The following TXLNG variants were observed in gnomAD, a reference collection of about 807,000 sequenced individuals.
TXLNG encodes the protein taxilin gamma.
A neutral mutation model predicts 38.8 loss-of-function variants in TXLNG; 5 were observed. The ratio of observed to expected loss-of-function variants is 0.13; its 90% confidence interval spans 0.07 to 0.27. The LOEUF is 0.27. TXLNG is among the 10% of genes least tolerant of loss of function. TXLNG has a pLI of 1.00. For missense variants in TXLNG, 393 were observed against 398.2 expected, an observed-to-expected ratio of 0.99 and a Z score of 0.11; for synonymous variants, 182 against 158.2, an observed-to-expected ratio of 1.15 and a Z score of -1.13.
intron 1 of TXLNG, among the ~76,000 whole-genome samples, chrX:16,805,861 C>A (rs1928315840): frequency 1.8e-5 from 2 of 112,442 alleles, no homozygotes; most frequent in Admixed American, 1.9e-4. Context: ...TAATAGTGCA[C>A]AGTAATATTT....
At chrX:16,841,047 T>C (rs1336936504) in intron 9 of TXLNG, among the ~76,000 whole-genome samples, 1 of 107,234 alleles carries the variant, frequency 9.3e-6, no homozygotes, top group Non-Finnish European at 1.9e-5. Flanking sequence ...ATACAAAAAT[T>C]AGCTGGGCGT....
At chrX:16,796,532 T>C (rs949380975) in intron 1 of TXLNG, among the ~76,000 whole-genome samples, 2 of 112,071 alleles carry the variant, frequency 1.8e-5, no homozygotes, top group Admixed American at 1.9e-4. Flanking sequence ...TACAGAGGCT[T>C]CTGAATGAGC....
At chrX:16,787,551 T>C (rs1029808942) in intron 1 of TXLNG, among the ~76,000 whole-genome samples, 11 of 110,960 alleles carry the variant, frequency 9.9e-5, no homozygotes, top group African/African-American at 3.6e-4. Context: ...ACAGGAAAAT[T>C]GAGACCTCTT....
rs771448711 is a variant in TXLNG, at chrX:16,787,313, C to T, written c.102+724C>T. The stretch of plus-strand genomic sequence containing the variant: ...GCGATGCTGGAGGACCTCGGTCCTG[C>T]AGAGTTGGGATATCGCATGATAGCT... On this transcript the variant is annotated intron_variant, in intron 1 of 9. Transcript: ENST00000380122. 2.4e-3 allele frequency among the ~76,000 whole-genome samples: 271 copies of T among 112,089 alleles called. 1 individual carries two copies. Among genetic ancestry groups the T allele is most frequent in the African/African-American group, 8.0e-3 (249 of 30,966 alleles).
chrX:16,794,298 C>T (rs1290192619), intron 1 of TXLNG, among the ~76,000 whole-genome samples: 1 of 111,940 alleles, frequency 8.9e-6, no homozygotes, highest in Middle Eastern at 4.2e-3. Context: ...TTTTGCTAAA[C>T]GAAGACAAAT....
chrX:16,812,242 C>G (rs1928547956), intron 1 of TXLNG, among the ~76,000 whole-genome samples: 1 of 107,679 alleles, frequency 9.3e-6, no homozygotes, highest in Non-Finnish European at 1.9e-5. Context: ...CTCCTGACCT[C>G]AAGTGATCCG....
intron 1 of TXLNG, among the ~76,000 whole-genome samples, chrX:16,805,835 C>T (rs939796789): frequency 1.8e-5 from 2 of 112,118 alleles, no homozygotes; most frequent in Non-Finnish European, 3.8e-5. Context: ...GACATGTATA[C>T]CAAAATCTAA....
chrX:16,790,121 T>C (rs1927651571), intron 1 of TXLNG, among the ~76,000 whole-genome samples: 1 of 111,081 alleles, frequency 9.0e-6, no homozygotes, highest in Non-Finnish European at 1.9e-5. Flanking sequence ...ATTTACATCT[T>C]GCATTAGTGT....
intron 1 of TXLNG, among the ~76,000 whole-genome samples, chrX:16,813,914 G>A (rs1928633813): frequency 9.0e-6 from 1 of 110,623 alleles, no homozygotes; most frequent in African/African-American, 3.3e-5. Context: ...GTGAAACCCC[G>A]TCTCTACTAA....
At chrX:16,814,954 T>G (rs183072216) in intron 1 of TXLNG, among the ~76,000 whole-genome samples, 2 of 112,061 alleles carry the variant, frequency 1.8e-5, no homozygotes, top group Non-Finnish European at 3.8e-5. Context: ...AAACTACAAA[T>G]GAACCAATCT....
intron 9 of TXLNG, among the ~76,000 whole-genome samples, chrX:16,841,056 G>A (rs969920916): frequency 2.7e-5 from 3 of 110,082 alleles, no homozygotes; most frequent in East Asian, 2.9e-4. Context: ...TTAGCTGGGC[G>A]TGGTGGGGCG....
chrX:16,823,314 T>C lies in TXLNG; in HGVS notation c.498+3059T>C, dbSNP rs532540362. ...TCTCTACTAAAAATACAAAATTTGC[T>C]GGGCGTGGTGGCGCATACCTGTAAT... On this transcript the variant is annotated intron_variant, in intron 3 of 9. Coordinates refer to ENST00000380122, the MANE Select transcript of TXLNG (RefSeq NM_018360.3). Among the ~76,000 whole-genome samples the C allele has an allele frequency of 7.4e-5, 8 of 108,297 alleles. No homozygotes were observed. In the South Asian group the frequency reaches 2.9e-3, roughly 39 times the overall value. The allele number at this position is 108,297 out of a possible 115,157, so 94.0% of individuals were successfully genotyped here.
At chrX:16,805,563 A>G (rs1928306804) in intron 1 of TXLNG, among the ~76,000 whole-genome samples, 1 of 112,579 alleles carries the variant, frequency 8.9e-6, no homozygotes, top group Admixed American at 9.4e-5. Context: ...GTAAGACAGG[A>G]TACCCCTTTG....
chrX:16,806,639 C>T (rs1358178365), intron 1 of TXLNG, among the ~76,000 whole-genome samples: 14 of 110,773 alleles, frequency 1.3e-4, no homozygotes, highest in Admixed American at 1.1e-3. Flanking sequence ...AAAAATTGGC[C>T]GGGCGCGGTG....
rs1602403821 is a variant in TXLNG, at chrX:16,839,894, C to T, written c.1226C>T (p.Ala409Val). 1 of 1,201,733 alleles carries T rather than the reference C, an allele frequency of 8.3e-7. No homozygotes were observed. Among genetic ancestry groups the T allele is most frequent in the Non-Finnish European group, 1.1e-6 (1 of 889,659 alleles). ...ACCAAATGGGAAAACAATAATAAAG[C>T]ACTTCTGCAAATGGCTGAAGAGGTG... ...WRTKWENNNK[A>V]LLQMAEEKTV... Residue 409 changes from alanine to valine, a missense_variant, in exon 9 of 10, where the codon GCA becomes GTA. Ala to Val is a moderately conservative substitution (Grantham distance 64). Transcript: ENST00000380122.
At chrX:16,808,849 G>A (rs1303352805) in intron 1 of TXLNG, among the ~76,000 whole-genome samples, 2 of 111,671 alleles carry the variant, frequency 1.8e-5, no homozygotes, top group Non-Finnish European at 1.9e-5. Context: ...ATAACCTTAT[G>A]TATTATGTCA....
At position 16,788,935 on chromosome X, in the gene TXLNG, C is replaced by T. The variant is rs185193484; in HGVS notation, c.102+2346C>T. 5.0e-3 allele frequency among the ~76,000 whole-genome samples: 552 copies of T among 111,351 alleles called. 4 individuals carry two copies. Among genetic ancestry groups the T allele is most frequent in the Non-Finnish European group, 8.6e-3 (454 of 52,953 alleles). On this transcript the variant is annotated intron_variant, in intron 1 of 9. Transcript: ENST00000380122. ...CACCCACCTTGGCCTTCCAAAGTGG[C>T]GGGATTACAGGCATGAGCCACTGCA...
At chrX:16,817,331 T>C (rs1303002305) in intron 1 of TXLNG, among the ~76,000 whole-genome samples, 1 of 112,351 alleles carries the variant, frequency 8.9e-6, no homozygotes, top group Non-Finnish European at 1.9e-5. Flanking sequence ...TTTTTCAAAG[T>C]GTCCTTGCCA....
Position 16,841,535 on chromosome X carries a change from G to A in TXLNG, c.1356G>A (p.Val452=). The change falls in exon 10 of 10, where the codon GTG becomes GTA. Residue 452 remains valine, a synonymous_variant. Transcript: ENST00000380122. Reference sequence around the variant, plus strand: ...AAAGGAATGAGCTCAATGAGAAGGTGGAAGTCCTGAAAGAGCAGGTATCCA... The same window carrying A: ...AAAGGAATGAGCTCAATGAGAAGGTAGAAGTCCTGAAAGAGCAGGTATCCA... ...QTERNELNEK[V]EVLKEQVSIK... 2 of 1,211,969 alleles carry A rather than the reference G, an allele frequency of 1.7e-6. No homozygotes were observed. Among genetic ancestry groups the A allele is most frequent in the Non-Finnish European group, 2.2e-6 (2 of 895,564 alleles).
Sources: allele counts gnomAD v4.1 joint callset (sites outside exome capture counted in the v4.1 genomes callset), GRCh38; gene constraint gnomAD v4.1.1; transcripts MANE v1.5; gene names NCBI Gene and HGNC (gene_info 2026-07-23, HGNC 2026-07-21).